Variants in IPO13 observed in about 807,000 individuals in gnomAD.
The protein encoded by IPO13 is importin 13.
Under a neutral mutation model 115.5 loss-of-function variants are expected in IPO13, and 28 were observed. That is an observed-to-expected ratio of 0.24 (90% CI 0.18 to 0.33). The LOEUF is 0.33. Ranked by LOEUF, IPO13 falls within the 10% of genes least tolerant of loss-of-function variation. The pLI, the probability that IPO13 is intolerant of heterozygous loss-of-function variation, is 1.00. For synonymous variants in IPO13, 414 were observed against 478.9 expected (o/e 0.86, Z 1.77); for missense variants, 785 against 1,204.6 (o/e 0.65, Z 5.16).
chr1:43,958,647 AG>A lies in IPO13; in HGVS notation c.1884+56del, dbSNP rs768963320. 34 of 1,612,656 alleles carry A rather than the reference AG, an allele frequency of 2.1e-5. No homozygotes were observed. Among genetic ancestry groups the A allele is most frequent in the Non-Finnish European group, 2.6e-5 (31 of 1,179,070 alleles). ...CGGTACTGAGATGCTGTGGCTGATG[AG>A]GGGTGAGGTTGGAGCTGGCCCTCAG... On this transcript the variant is annotated intron_variant, in intron 10 of 19. Coordinates refer to ENST00000372343, the MANE Select transcript of IPO13 (RefSeq NM_014652.4). This position sits in a 1 kb window ranked among gnomAD's most constrained non-coding sequence, Gnocchi z 6.3.
Position 43,958,386 on chromosome 1 carries a change from C to T in IPO13, c.1750-75C>T. 6.2e-7 allele frequency: 1 copy of T among 1,610,474 alleles called. No homozygotes were observed. Among genetic ancestry groups the T allele is most frequent in the South Asian group, 1.1e-5 (1 of 90,920 alleles). ...ATCCCTTATTCTCTGTTTTTCTTCT[C>T]CCAAGAGGCTCATTTTCCTTCCTAC... On this transcript the variant is annotated intron_variant, in intron 9 of 19. Transcript: ENST00000372343. This position sits in a 1 kb window ranked among gnomAD's most constrained non-coding sequence, Gnocchi z 6.3.
Position 43,958,721 on chromosome 1 carries a change from G to A in IPO13, c.1885-25G>A. On this transcript the variant is annotated intron_variant, in intron 10 of 19. Transcript: ENST00000372343. The surrounding 1 kb of genome is among the most constrained non-coding windows in gnomAD (Gnocchi z 6.3). ...GACCAAACTGGGGCTGGGAGATCTG[G>A]AGCTTGGTTTGCTTCTCCCTGCAGC... 1 of 1,613,972 alleles carries A rather than the reference G, an allele frequency of 6.2e-7. No homozygotes were observed. Among genetic ancestry groups the A allele is most frequent in the Non-Finnish European group, 8.5e-7 (1 of 1,179,888 alleles).
chr1:43,963,681 C>A (rs1049696276), intron 14 of IPO13, among the ~76,000 whole-genome samples: 1 of 152,174 alleles, frequency 6.6e-6, no homozygotes, highest in Non-Finnish European at 1.5e-5. Context: ...AAGCAAGAGT[C>A]CTGTGGTTTA....
chr1:43,947,364 G>A lies in IPO13; in HGVS notation c.-237G>A. ...CCCCGCCTGAGAGCTCCTCACTGAC[G>A]GCTCCCTCCTCGGAGTCCCCTTCAT... is the stretch of plus-strand genomic sequence containing the variant. On this transcript the variant is annotated 5_prime_UTR_variant, in exon 1 of 20. Transcript: ENST00000372343. 1 of 399,034 alleles carries A rather than the reference G, an allele frequency of 2.5e-6. No individual in the cohort carries two copies. Among genetic ancestry groups the A allele is most frequent in the African/African-American group, 2.1e-5 (1 of 48,756 alleles). 24.7% of individuals were successfully genotyped at this position (399,034 alleles called of 1,614,324 possible).
chr1:43,951,060 G>C lies in IPO13; in HGVS notation c.821+907G>C, dbSNP rs1037256871. On this transcript the variant is annotated intron_variant, in intron 2 of 19. Coordinates refer to ENST00000372343, the MANE Select transcript of IPO13 (RefSeq NM_014652.4). ...GGAGGGGTGGGGCTGGAAGGGATTG[G>C]GGGAGGAAGGTGGATTGTTCTAGGC... 2.0e-5 allele frequency among the ~76,000 whole-genome samples: 3 copies of C among 152,302 alleles called. 1 individual carries two copies. The South Asian group carries it at 6.2e-4, about 32-fold the overall frequency.
At position 43,958,818 on chromosome 1, in the gene IPO13, A is replaced by G; in HGVS notation, c.1957A>G (p.Ile653Val). ...LLSNLFTTLD[I>V]SHHEDDHEGP... is the part of the protein sequence containing the mutation. ...CTCCAACCTCTTCACCACACTGGAC[A>G]TCAGTCATCATGAGGATGATCATGA... The change falls in exon 11 of 20, where the codon ATC becomes GTC. Residue 653 changes from isoleucine (I) to valine (V), a missense_variant. By Grantham distance (29) the Ile-to-Val change is conservative. Coordinates refer to ENST00000372343, the MANE Select transcript of IPO13 (RefSeq NM_014652.4). The surrounding 1 kb of genome is among the most constrained non-coding windows in gnomAD (Gnocchi z 6.3). 1 of 1,614,126 alleles carries G rather than the reference A, an allele frequency of 6.2e-7. No homozygotes were observed. Among genetic ancestry groups the G allele is most frequent in the Non-Finnish European group, 8.5e-7 (1 of 1,180,010 alleles).
At chr1:43,957,610 C>T (rs2085260253) in intron 7 of IPO13, 61 bp downstream of exon 7, 23 of 1,586,190 alleles carry the variant, frequency 1.5e-5, no homozygotes, top group Non-Finnish European at 2.0e-5. Context: ...ACCCTGGCCA[C>T]AGCCAGCATG....
intron 2 of IPO13, among the ~76,000 whole-genome samples, chr1:43,951,375 T>A (rs2085207890): frequency 1.3e-5 from 2 of 152,168 alleles, no homozygotes; most frequent in African/African-American, 4.8e-5. Context: ...GTCTGAGGGC[T>A]GTGAAAGGAT....
chr1:43,960,105 C>A, intron 11 of IPO13, 144 bp from the exon 12 acceptor site: 1 of 712,172 alleles, frequency 1.4e-6, no homozygotes, highest in South Asian at 1.7e-5. Context: ...ACTTCTTCCC[C>A]CAGGGGTCCC....
At chr1:43,947,716 A>G in intron 1 of IPO13, 32 bp downstream of exon 1, 1 of 1,192,574 alleles carries the variant, frequency 8.4e-7, no homozygotes, top group Non-Finnish European at 1.1e-6. Context: ...CACTCCAGTG[A>G]CAGAGCAGAA....
rs763958845 is a variant in IPO13 at position 43,967,157 on chromosome 1, G to A, written c.2613+138G>A. ...TTCTTCAATTAAATGCCTGAAAGTT[G>A]TTAGGATTGCTGTGGGGATCAGCTG... On this transcript the variant is annotated intron_variant, in intron 18 of 19. Transcript: ENST00000372343. The surrounding 1 kb of genome is among the most constrained non-coding windows in gnomAD (Gnocchi z 6.1). 5 of 1,106,356 alleles carry A rather than the reference G, an allele frequency of 4.5e-6. No individual in the cohort carries two copies. The highest frequency in any genetic ancestry group is 1.4e-6 in the Non-Finnish European group (1 of 739,710). 68.5% of individuals were successfully genotyped at this position (1,106,356 alleles called of 1,614,324 possible).
At chr1:43,953,341 G>A (rs374883529) in intron 2 of IPO13, 1 of 152,278 alleles carries the variant, frequency 6.6e-6, no homozygotes, top group African/African-American at 2.4e-5. Flanking sequence ...AGCCTCAGCT[G>A]TGGTCATAAA....
rs769279516 is a variant in IPO13 at position 43,966,776 on chromosome 1, C to T, written c.2517C>T (p.Gly839=). 5 of 1,614,110 alleles carry T rather than the reference C, an allele frequency of 3.1e-6. No homozygotes were observed. Among genetic ancestry groups the T allele is most frequent in the Non-Finnish European group, 3.4e-6 (4 of 1,180,002 alleles). The part of the protein sequence containing the change: ...PEAPTVKASC[G]FFTELLPRCG... ...CACCTACTGTCAAGGCCTCCTGTGGCTTCTTTGTGAGTCCCATGCTGAACC... is the reference window on the plus strand; with the variant it reads ...CACCTACTGTCAAGGCCTCCTGTGGTTTCTTTGTGAGTCCCATGCTGAACC... The change falls in exon 17 of 20, where the codon GGC becomes GGT. Residue 839 remains glycine, a synonymous_variant. Transcript: ENST00000372343. This position sits in a 1 kb window ranked among gnomAD's most constrained non-coding sequence, Gnocchi z 4.1.
Position 43,952,924 on chromosome 1 carries a change from C to A in IPO13, c.821+2771C>A, listed in dbSNP as rs2085218915. 6.6e-6 allele frequency among the ~76,000 whole-genome samples: 1 copy of A among 152,132 alleles called. No individual in the cohort carries two copies. Among genetic ancestry groups the A allele is most frequent in the Non-Finnish European group, 1.5e-5 (1 of 68,020 alleles). The stretch of plus-strand genomic sequence containing the variant: ...TCCAGCTTAAGGTGGATACCTAATC[C>A]CAGATCTCTTGGCAGCCTGAAGCTC... On this transcript the variant is annotated intron_variant, in intron 2 of 19. Transcript: ENST00000372343. The surrounding 1 kb of genome is among the most constrained non-coding windows in gnomAD (Gnocchi z 4.7).
intron 2 of IPO13, among the ~76,000 whole-genome samples, chr1:43,955,718 A>G (rs1478385797): frequency 6.6e-6 from 1 of 152,224 alleles, no homozygotes; most frequent in Admixed American, 6.5e-5. Flanking sequence ...TTATTTCCAA[A>G]TAAGATCACA....
In IPO13 at chr1:43,966,691, C is replaced by T. The variant is rs770801870; in HGVS notation, c.2465-33C>T. 7.4e-6 allele frequency: 12 copies of T among 1,613,988 alleles called. No homozygotes were observed. The highest frequency in any genetic ancestry group is 2.2e-5 in the East Asian group (1 of 44,898). ...GGGCCTGGGGCTCCCCTAGAAGGAT[C>T]GTTAAACTGATCTGCCTCTGCCTTT... On this transcript the variant is annotated intron_variant, in intron 16 of 19. Coordinates refer to ENST00000372343, the MANE Select transcript of IPO13 (RefSeq NM_014652.4). The surrounding 1 kb of genome is among the most constrained non-coding windows in gnomAD (Gnocchi z 4.1).
At position 43,949,598 on chromosome 1, in the gene IPO13, A is replaced by G. The variant is rs1048914689; in HGVS notation, c.266A>G (p.Tyr89Cys). The change falls in exon 2 of 20, where the codon TAC becomes TGC. Residue 89 changes from tyrosine to cysteine, a missense_variant. Around this residue, in one of 3 missense-constraint regions of IPO13, gnomAD observed 325 missense variants for 449.8 expected, o/e 0.72. Transcript: ENST00000372343. The stretch of plus-strand genomic sequence containing the variant: ...GCTCTTCACATCAAGATCTCTCGCT[A>G]CTGGAGTGACATCCCCACTGACCAG... ...ASALHIKISR[Y>C]WSDIPTDQYE... is the part of the protein sequence containing the mutation. The G allele has an allele frequency of 6.2e-7, 1 of 1,614,176 alleles. No individual in the cohort carries two copies. Among genetic ancestry groups the G allele is most frequent in the Non-Finnish European group, 8.5e-7 (1 of 1,180,030 alleles).
At chr1:43,950,651 C>T (rs936567195) in intron 2 of IPO13, among the ~76,000 whole-genome samples, 24 of 152,216 alleles carry the variant, frequency 1.6e-4, no homozygotes, top group African/African-American at 5.3e-4. Context: ...CTTAATGTGA[C>T]TCATAATGGT....
intron 12 of IPO13, 23 bp downstream of exon 12, chr1:43,960,352 C>T (rs756462341): frequency 1.5e-5 from 24 of 1,604,198 alleles, no homozygotes; most frequent in Non-Finnish European, 1.7e-5. Flanking sequence ...CCTTGCCCTC[C>T]GCTCCCATAG....
Sources: allele counts gnomAD v4.1 joint callset (sites outside exome capture counted in the v4.1 genomes callset), GRCh38; gene constraint gnomAD v4.1.1; regional missense constraint gnomAD v4.1.1; non-coding constraint Gnocchi (gnomAD v3.1); transcripts MANE v1.5; gene names NCBI Gene and HGNC (gene_info 2026-07-23, HGNC 2026-07-21).